The following RGS12 variants were observed in gnomAD, a reference collection of about 807,000 sequenced individuals.
RGS12 encodes the protein regulator of G-protein signaling 12.
In RGS12, 66 loss-of-function variants were observed where a neutral mutation model predicts 120.1. That is an observed-to-expected ratio of 0.55 (90% CI 0.45 to 0.67). The LOEUF (loss-of-function observed/expected upper bound fraction) is 0.67, where lower values mean the gene tolerates loss of function less well. Among genes scored for constraint, RGS12 ranks in the 30% least tolerant of loss-of-function variants. The probability of loss-of-function intolerance (pLI) is 0.00; values close to 1 mark genes in which losing one functional copy is unlikely to be tolerated. For synonymous variants in RGS12, 827 were observed against 804.7 expected (o/e 1.03, Z -0.47); for missense variants, 1,859 against 1,957.7 (o/e 0.95, Z 0.95).
intron 2 of RGS12, among the ~76,000 whole-genome samples, chr4:3,327,190 G>A (rs1298931551): frequency 6.6e-6 from 1 of 152,178 alleles, no homozygotes; most frequent in Non-Finnish European, 1.5e-5. Flanking sequence ...AGCATACAAT[G>A]GGGAAAAGAC....
chr4:3,313,678 C>T (rs992559218), intron 1 of RGS12, among the ~76,000 whole-genome samples: 2 of 152,198 alleles, frequency 1.3e-5, no homozygotes, highest in African/African-American at 4.8e-5. Flanking sequence ...TTCACCTTTC[C>T]GGCTTCTGGA....
intron 2 of RGS12, among the ~76,000 whole-genome samples, chr4:3,341,146 C>T (rs1280485512): frequency 6.7e-6 from 1 of 148,518 alleles, no homozygotes; most frequent in Admixed American, 6.7e-5. Flanking sequence ...TAGTGACACC[C>T]CTCTGCCCGT....
intron 3 of RGS12, among the ~76,000 whole-genome samples, chr4:3,350,202 T>C (rs2749777): frequency 0.14 from 21,312 of 152,242 alleles, 1,914 homozygotes; most frequent in Middle Eastern, 0.26. Flanking sequence ...CATTAAAAAG[T>C]TATACAAATA....
chr4:3,308,790 C>T (rs13152222), intron 1 of RGS12, among the ~76,000 whole-genome samples: 40,927 of 152,238 alleles, frequency 0.27, 5,580 homozygotes, highest in African/African-American at 0.32. Flanking sequence ...AAGCGGCTGG[C>T]GCCGTTCAGG....
chr4:3,436,785 G>A (rs184394857), intron 17 of RGS12, among the ~76,000 whole-genome samples: 23 of 152,298 alleles, frequency 1.5e-4, no homozygotes, highest in Admixed American at 3.9e-4. Context: ...TGGAAAGAGG[G>A]GCCTTCCTGC....
chr4:3,386,264 G>C, intron 3 of RGS12, 152 bp from the exon 4 acceptor site: 1 of 710,944 alleles, frequency 1.4e-6, no homozygotes, highest in Non-Finnish European at 2.5e-6. Context: ...TGACTCATTG[G>C]GCCGTCTGGC....
intron 4 of RGS12, among the ~76,000 whole-genome samples, chr4:3,409,704 G>A (rs373354377): frequency 1.2e-4 from 18 of 152,242 alleles, no homozygotes; most frequent in African/African-American, 4.1e-4. Flanking sequence ...TCACGTCACC[G>A]TGCTTGTGTG....
chr4:3,303,407 T>C (rs1257544473), intron 1 of RGS12, among the ~76,000 whole-genome samples: 1 of 152,202 alleles, frequency 6.6e-6, no homozygotes, highest in African/African-American at 2.4e-5. Context: ...GCTCCCCCAG[T>C]CTCACCTCTG....
chr4:3,425,468 G>A lies in RGS12; in HGVS notation c.3239G>A (p.Gly1080Glu). The A allele has an allele frequency of 6.2e-7, 1 of 1,611,566 alleles. No individual in the cohort carries two copies. Among genetic ancestry groups the A allele is most frequent in the Non-Finnish European group, 8.5e-7 (1 of 1,179,024 alleles). The change falls in exon 14 of 18, where the codon GGA becomes GAA. Residue 1080 changes from glycine to glutamate, a missense_variant. Coordinates refer to ENST00000336727, the MANE Select transcript of RGS12 (RefSeq NM_001394154.1). ...CAGTGCTGATCTCTGCCCTAGAGTGGAGAGAAGGAGCCCCTGGACCTTGGC... is the reference window on the plus strand; with the variant it reads ...CAGTGCTGATCTCTGCCCTAGAGTGAAGAGAAGGAGCCCCTGGACCTTGGC... ...DLSGLLVRLS[G>E]EKEPLDLGAP...
At position 3,374,899 on chromosome 4, in the gene RGS12, G is replaced by A. The variant is rs1717470694; in HGVS notation, c.1999-11517G>A. On this transcript the variant is annotated intron_variant, in intron 3 of 17. Coordinates refer to ENST00000336727, the MANE Select transcript of RGS12 (RefSeq NM_001394154.1). This position sits in a 1 kb window ranked among gnomAD's most constrained non-coding sequence, Gnocchi z 6.3. ...TCTGCGGGGCAGGGCTGCCAGTTTG[G>A]GGTTTGCATGTTGATTTTGTACATC... Among the ~76,000 whole-genome samples, 2 of 152,178 alleles carry A rather than the reference G, an allele frequency of 1.3e-5. No individual in the cohort carries two copies. The highest frequency in any genetic ancestry group is 6.5e-5 in the Admixed American group (1 of 15,282).
At chr4:3,336,052 A>C (rs986369150) in intron 2 of RGS12, among the ~76,000 whole-genome samples, 2 of 152,008 alleles carry the variant, frequency 1.3e-5, no homozygotes, top group Non-Finnish European at 2.9e-5. Context: ...AGATCGCACC[A>C]CTGGACTCCA....
intron 1 of RGS12, chr4:3,314,120 A>G (rs1041737614): frequency 7.2e-5 from 11 of 151,772 alleles, no homozygotes; most frequent in Admixed American, 4.6e-4. Context: ...TTATTAATAC[A>G]GTACTACTTA....
At chr4:3,323,549 A>G (rs1403103171) in intron 2 of RGS12, among the ~76,000 whole-genome samples, 1 of 152,200 alleles carries the variant, frequency 6.6e-6, no homozygotes, top group Non-Finnish European at 1.5e-5. Context: ...TCTCATGTAC[A>G]TAGTTATATA....
chr4:3,352,707 C>G (rs1385674626), intron 3 of RGS12, among the ~76,000 whole-genome samples: 1 of 152,146 alleles, frequency 6.6e-6, no homozygotes, highest in Non-Finnish European at 1.5e-5. Flanking sequence ...AGGCAGATGT[C>G]CTCGCAGAAG....
chr4:3,417,161 G>A, intron 8 of RGS12, 69 bp downstream of exon 8: 1 of 1,465,630 alleles, frequency 6.8e-7, no homozygotes, highest in Non-Finnish European at 9.1e-7. Flanking sequence ...TGTTCTGTGG[G>A]GAGTGAAAAG....
chr4:3,304,606 G>T (rs548582150), intron 1 of RGS12, among the ~76,000 whole-genome samples: 1 of 152,150 alleles, frequency 6.6e-6, no homozygotes, highest in African/African-American at 2.4e-5. Flanking sequence ...ATTAGACTTC[G>T]CTTGTGAGAT....
intron 4 of RGS12, among the ~76,000 whole-genome samples, chr4:3,399,185 A>T (rs1720341981): frequency 6.6e-6 from 1 of 152,244 alleles, no homozygotes; most frequent in Non-Finnish European, 1.5e-5. Context: ...ATTAGAAAAA[A>T]GTTTGAAAAT....
chr4:3,317,043 G>C lies in RGS12; in HGVS notation c.873G>C (p.Val291=). The stretch of plus-strand genomic sequence containing the variant: ...TGAGCACTGACAAGGCTGGAGTCGT[G>C]GCCGAGTACCCGGCCGAGAAGCTGG... The part of the protein sequence containing the change: ...VQLSTDKAGV[V]AEYPAEKLAF... The change falls in exon 2 of 18, where the codon GTG becomes GTC. Residue 291 remains valine, a synonymous_variant. Transcript: ENST00000336727. The C allele has an allele frequency of 1.9e-6, 3 of 1,613,668 alleles. No homozygotes were observed. The highest frequency in any genetic ancestry group is 2.5e-6 in the Non-Finnish European group (3 of 1,180,042).
chr4:3,428,481 TCTA>T, intron 15 of RGS12, 74 bp from the exon 16 acceptor site: 1 of 1,259,660 alleles, frequency 7.9e-7, no homozygotes, highest in Non-Finnish European at 1.1e-6. Context: ...CATAGAGCCT[TCTA>T]CTCTCTAACT....
Sources: gnomAD v4.1 joint callset for allele counts (sites outside exome capture counted in the v4.1 genomes callset) on GRCh38, gnomAD v4.1.1 for gene constraint, Gnocchi (gnomAD v3.1) non-coding constraint, MANE v1.5 for transcripts, NCBI Gene and HGNC (gene_info 2026-07-23, HGNC 2026-07-21) for gene names.